Variants in ANKFN1 observed in about 807,000 individuals in gnomAD.
ANKFN1 encodes ankyrin repeat and fibronectin type III domain containing 1, also known as ankyrin repeat and fibronectin type-III domain-containing protein 1.
In ANKFN1, 74 loss-of-function variants were observed where a neutral mutation model predicts 108.7. The ratio of observed to expected loss-of-function variants is 0.68; its 90% confidence interval spans 0.56 to 0.83. The LOEUF (loss-of-function observed/expected upper bound fraction) is 0.83. ANKFN1 is among the 40% of genes least tolerant of loss of function. ANKFN1 has a pLI of 0.00. For synonymous variants in ANKFN1, 547 were observed against 516.2 expected (o/e 1.06, Z -0.81); for missense variants, 1,505 against 1,382.3 (o/e 1.09, Z -1.41).
At chr17:56,239,288 T>C (rs1037176623) in intron 3 of ANKFN1, among the ~76,000 whole-genome samples, 1 of 152,216 alleles carries the variant, frequency 6.6e-6, no homozygotes, top group Admixed American at 6.6e-5. Flanking sequence ...AAAATACAGT[T>C]AGATAGAAGG....
intron 1 of ANKFN1, among the ~76,000 whole-genome samples, chr17:56,163,239 A>C (rs997867616): frequency 6.6e-6 from 1 of 152,072 alleles, no homozygotes; most frequent in African/African-American, 2.4e-5. Flanking sequence ...CCGAGGTGCC[A>C]GTTTTGCCTA....
At chr17:56,418,595 C>T (rs2048307945) in intron 8 of ANKFN1, among the ~76,000 whole-genome samples, 1 of 151,402 alleles carries the variant, frequency 6.6e-6, no homozygotes. Flanking sequence ...AAAAGAAAAC[C>T]CCAGGATTCT....
intron 19 of ANKFN1, among the ~76,000 whole-genome samples, chr17:56,492,872 G>A (rs1470027066): frequency 6.6e-6 from 1 of 152,088 alleles, no homozygotes; most frequent in Non-Finnish European, 1.5e-5. Flanking sequence ...CCTTCCCATG[G>A]TCTTTTCTGG....
At chr17:56,371,413 A>G (rs1413499855) in intron 6 of ANKFN1, among the ~76,000 whole-genome samples, 2 of 152,228 alleles carry the variant, frequency 1.3e-5, no homozygotes, top group Non-Finnish European at 2.9e-5. Flanking sequence ...AACACAGAGA[A>G]TATGAATATA....
chr17:56,344,817 A>T (rs1375493185), intron 4 of ANKFN1, among the ~76,000 whole-genome samples: 1 of 152,038 alleles, frequency 6.6e-6, no homozygotes, highest in African/African-American at 2.4e-5. Context: ...TAAAGGAGCT[A>T]CAACCCCATT....
chr17:56,280,503 C>A (rs984876709), intron 3 of ANKFN1, among the ~76,000 whole-genome samples: 6 of 152,120 alleles, frequency 3.9e-5, no homozygotes, highest in Middle Eastern at 3.2e-3. Context: ...GTTGGATGCC[C>A]TGGTTCTGAA....
intron 6 of ANKFN1, among the ~76,000 whole-genome samples, chr17:56,359,389 A>C (rs1351951953): frequency 6.6e-6 from 1 of 152,114 alleles, no homozygotes; most frequent in Non-Finnish European, 1.5e-5. Context: ...AGTTGTTTTT[A>C]TTTTTACACT....
At chr17:56,080,699 G>A (rs754691153) in intron 4 of ANKFN1, among the ~76,000 whole-genome samples, 10 of 152,202 alleles carry the variant, frequency 6.6e-5, no homozygotes, top group Admixed American at 1.3e-4. Flanking sequence ...GTAAATTTTC[G>A]AGGTTGGCTC....
In ANKFN1 at chr17:56,056,846, G is replaced by T. The variant is rs190496826; in HGVS notation, c.288+10521G>T. Among the ~76,000 whole-genome samples the T allele has an allele frequency of 2.0e-4, 31 of 152,298 alleles. No homozygotes were observed. The East Asian group carries it at 5.8e-3, about 28-fold the overall frequency. ...ATTGGCAATTTTAAAAAATAACAGT[G>T]AAGTTTGCTGCATTGTTTGACTTTG... is the stretch of plus-strand genomic sequence containing the variant. On this transcript the variant is annotated intron_variant, in intron 4 of 12. Coordinates refer to the ANKFN1 transcript ENST00000635860.
intron 4 of ANKFN1, among the ~76,000 whole-genome samples, chr17:56,057,464 C>T (rs959197227): frequency 7.2e-5 from 11 of 152,156 alleles, no homozygotes; most frequent in Admixed American, 2.6e-4. Context: ...TATACAGCAG[C>T]GATAGACTTA....
intron 4 of ANKFN1, among the ~76,000 whole-genome samples, chr17:56,061,492 C>T (rs141288860): frequency 0.033 from 5,018 of 151,924 alleles, 267 homozygotes; most frequent in African/African-American, 0.11. Context: ...AGGCTGTTCT[C>T]GAACTCCTGA....
rs186510599 is a variant in ANKFN1, at chr17:56,070,934, C to A, written c.288+24609C>A. Among the ~76,000 whole-genome samples, 110 of 152,168 alleles carry A rather than the reference C, an allele frequency of 7.2e-4. 1 individual carries two copies. Among genetic ancestry groups the A allele is most frequent in the African/African-American group, 2.4e-3 (100 of 41,510 alleles). Reference sequence around the variant, plus strand: ...TATTTTAAGTAGAGATGGGGTTTCACCATGTTGGCCAGGATGGTCTCGATC... The same window carrying A: ...TATTTTAAGTAGAGATGGGGTTTCAACATGTTGGCCAGGATGGTCTCGATC... On this transcript the variant is annotated intron_variant, in intron 4 of 12. Coordinates refer to the ANKFN1 transcript ENST00000635860.
intron 4 of ANKFN1, among the ~76,000 whole-genome samples, chr17:56,051,649 T>C (rs1904777412): frequency 7.3e-6 from 1 of 136,578 alleles, no homozygotes; most frequent in African/African-American, 2.8e-5. Flanking sequence ...GCAGATGACA[T>C]GACTGTATAT....
Position 56,275,355 on chromosome 17 carries a change from G to A in ANKFN1, c.53+47398G>A, listed in dbSNP as rs535927528. ...AACAGCCTCCAGACAGAGGGCCCAAGCATCTGTACTTTAAAAATTTAGATT... is the reference window on the plus strand; with the variant it reads ...AACAGCCTCCAGACAGAGGGCCCAAACATCTGTACTTTAAAAATTTAGATT... On this transcript the variant is annotated intron_variant, in intron 3 of 20. Transcript: ENST00000682825. Among the ~76,000 whole-genome samples, 72 of 151,464 alleles carry A rather than the reference G, an allele frequency of 4.8e-4. 1 individual carries two copies. Among genetic ancestry groups the A allele is most frequent in the African/African-American group, 1.7e-3 (69 of 41,224 alleles).
intron 8 of ANKFN1, among the ~76,000 whole-genome samples, chr17:56,410,075 T>A (rs1192833230): frequency 6.6e-6 from 1 of 152,198 alleles, no homozygotes; most frequent in African/African-American, 2.4e-5. Flanking sequence ...TCATTTTCTT[T>A]ATTTTAATTT....
rs376046142 is a variant in ANKFN1, at chr17:56,354,031, C to G, written c.586C>G (p.Arg196Gly). Residue 196 changes from arginine (R) to glycine (G), a missense_variant, in exon 6 of 21, where the codon CGA becomes GGA. Physicochemically the swap from Arg to Gly is moderately radical, Grantham distance 125. Coordinates refer to ENST00000682825, the MANE Select transcript of ANKFN1 (RefSeq NM_001370326.1). ...IARILLRTGA[R>G]ESPHFVSLES... ...AAGGATTCTTCTGAGGACAGGGGCC[C>G]GAGAAAGTCCACACTGTAAGTAACC... The G allele has an allele frequency of 3.1e-6, 5 of 1,613,712 alleles. No homozygotes were observed. Among genetic ancestry groups the G allele is most frequent in the Non-Finnish European group, 4.2e-6 (5 of 1,179,886 alleles).
chr17:56,506,608 G>A (rs562440283), intron 20 of ANKFN1, among the ~76,000 whole-genome samples: 1 of 151,450 alleles, frequency 6.6e-6, no homozygotes, highest in Non-Finnish European at 1.5e-5. Flanking sequence ...AAGCCACCCA[G>A]TATGTGGTAA....
intron 16 of ANKFN1, among the ~76,000 whole-genome samples, chr17:56,478,388 G>C (rs1036404310): frequency 6.6e-6 from 1 of 152,076 alleles, no homozygotes; most frequent in Non-Finnish European, 1.5e-5. Context: ...GTTTCATAGA[G>C]CCAATGATTC....
chr17:56,133,692 C>G, intron 4 of ANKFN1, among the ~76,000 whole-genome samples: 1 of 152,046 alleles, frequency 6.6e-6, no homozygotes, highest in Non-Finnish European at 1.5e-5. Flanking sequence ...GTCATTTTCT[C>G]TTTGATTCTC....
Sources: allele counts gnomAD v4.1 joint callset (sites outside exome capture counted in the v4.1 genomes callset), GRCh38; gene constraint gnomAD v4.1.1; transcripts MANE v1.5; gene names NCBI Gene and HGNC (gene_info 2026-07-23, HGNC 2026-07-21).